MAP7: variants seen among roughly 807,000 people sequenced by gnomAD.
MAP7 encodes the protein ensconsin.
In MAP7, 52 loss-of-function variants were observed where a neutral mutation model predicts 94.8. That is an observed-to-expected ratio of 0.55 (90% confidence interval 0.44 to 0.69). The LOEUF is 0.69. Among genes scored for constraint, MAP7 ranks in the 30% least tolerant of loss-of-function variants. The probability of loss-of-function intolerance (pLI) is 0.00; values close to 1 mark genes in which losing one functional copy is unlikely to be tolerated. For synonymous variants in MAP7, 350 were observed against 357.0 expected (o/e 0.98, Z 0.22); for missense variants, 940 against 964.6 (o/e 0.97, Z 0.34).
At chr6:136,472,220 C>A (rs1809265358) in intron 1 of MAP7, among the ~76,000 whole-genome samples, 1 of 152,194 alleles carries the variant, frequency 6.6e-6, no homozygotes, top group South Asian at 2.1e-4. Flanking sequence ...CTACCTTTTC[C>A]TGTCAATTCC....
rs139663753 is a variant in MAP7 at position 136,538,595 on chromosome 6, T to C, written c.67+11747A>G. 3.9e-3 allele frequency among the ~76,000 whole-genome samples: 589 copies of C among 151,764 alleles called. 5 individuals carry two copies. Among genetic ancestry groups the C allele is most frequent in the African/African-American group, 0.014 (570 of 41,334 alleles). On this transcript the variant is annotated intron_variant, in intron 1 of 17. Transcript: ENST00000354570. ...GAGTTCGAAACCAGCCTGAGCAACA[T>C]GGTGACACCCTGTCTCTACAAAAAG...
intron 1 of MAP7, among the ~76,000 whole-genome samples, chr6:136,456,767 G>GGAGGAGGAGGACGAAGAAGAA (rs1179338276): frequency 9.9e-5 from 6 of 60,594 alleles, no homozygotes; most frequent in African/African-American, 4.4e-4. Context: ...AGGAGGAGGA[G>GGAGGAGGAGGACGAAGAAGAA]GAAGAAGAAG....
chr6:136,495,741 G>A (rs1474192750), intron 1 of MAP7, among the ~76,000 whole-genome samples: 4 of 152,080 alleles, frequency 2.6e-5, no homozygotes, highest in African/African-American at 4.8e-5. Flanking sequence ...TGTGAAAAAC[G>A]ATATGCATTT....
chr6:136,450,776 C>A (rs1378448762), intron 1 of MAP7, among the ~76,000 whole-genome samples: 15 of 151,176 alleles, frequency 9.9e-5, no homozygotes, highest in Non-Finnish European at 2.1e-4. Flanking sequence ...AAGAGCAAAA[C>A]TCCATCTCAA....
intron 1 of MAP7, among the ~76,000 whole-genome samples, chr6:136,534,254 A>T (rs1483992670): frequency 6.6e-6 from 1 of 152,196 alleles, no homozygotes; most frequent in Admixed American, 6.5e-5. Flanking sequence ...ACAAGTGTGA[A>T]ATCTGTGCAG....
chr6:136,505,385 GA>G lies in MAP7; in HGVS notation c.67+44956del, dbSNP rs1240078340. Among the ~76,000 whole-genome samples the G allele has an allele frequency of 5.4e-5, 8 of 149,170 alleles. No homozygotes were observed. In the East Asian group the frequency reaches 1.4e-3, roughly 26 times the overall value. On this transcript the variant is annotated intron_variant, in intron 1 of 17. Coordinates refer to ENST00000354570, the MANE Select transcript of MAP7 (RefSeq NM_003980.6). ...GGAGGGAGATAGGGAGAGGAAGGGAGAGAGAGATGAACATTAGCCATAATGT... is the reference window on the plus strand; with the variant it reads ...GGAGGGAGATAGGGAGAGGAAGGGAGGAGAGATGAACATTAGCCATAATGT...
intron 1 of MAP7, among the ~76,000 whole-genome samples, chr6:136,487,957 G>T (rs1377297399): frequency 3.9e-5 from 6 of 152,160 alleles, no homozygotes; most frequent in Admixed American, 3.9e-4. Context: ...TGGGAAAAGG[G>T]CCTCTCAAAA....
intron 1 of MAP7, among the ~76,000 whole-genome samples, chr6:136,460,362 T>C (rs976942930): frequency 6.6e-6 from 1 of 152,220 alleles, no homozygotes; most frequent in African/African-American, 2.4e-5. Context: ...TTATGGATGA[T>C]GTTTCTTTTT....
intron 1 of MAP7, among the ~76,000 whole-genome samples, chr6:136,535,738 T>C (rs892773243): frequency 1.3e-5 from 2 of 150,900 alleles, no homozygotes; most frequent in African/African-American, 4.9e-5. Context: ...ATTTGTCATC[T>C]TTTTTTTTCT....
intron 1 of MAP7, among the ~76,000 whole-genome samples, chr6:136,535,903 C>T (rs559884184): frequency 1.3e-5 from 2 of 151,982 alleles, no homozygotes; most frequent in Admixed American, 1.3e-4. Flanking sequence ...CCGCTCCCCC[C>T]ACCCCACGAC....
intron 1 of MAP7, among the ~76,000 whole-genome samples, chr6:136,476,563 A>G (rs1318914623): frequency 6.6e-6 from 1 of 152,190 alleles, no homozygotes; most frequent in East Asian, 1.9e-4. Context: ...CTAATATTTA[A>G]CATAGAAAAA....
At chr6:136,479,725 A>C (rs1405248464) in intron 1 of MAP7, among the ~76,000 whole-genome samples, 1 of 152,084 alleles carries the variant, frequency 6.6e-6, no homozygotes, top group African/African-American at 2.4e-5. Context: ...GCAAACAGTC[A>C]AAATCAAGAA....
chr6:136,465,524 T>C lies in MAP7; in HGVS notation c.68-43725A>G, dbSNP rs190035748. Among the ~76,000 whole-genome samples the C allele has an allele frequency of 3.9e-3, 595 of 152,156 alleles. 5 individuals are homozygous for C. Among genetic ancestry groups the C allele is most frequent in the African/African-American group, 0.014 (571 of 41,526 alleles). On this transcript the variant is annotated intron_variant, in intron 1 of 17. Transcript: ENST00000354570. Reference sequence around the variant, plus strand: ...ACAGAATCATTAAGGGCAAAAAAAATGGAAAGTCAGTTAGCCGATTAAATA... The same window carrying C: ...ACAGAATCATTAAGGGCAAAAAAAACGGAAAGTCAGTTAGCCGATTAAATA...
chr6:136,540,974 G>A (rs1361764382), intron 1 of MAP7, among the ~76,000 whole-genome samples: 2 of 152,116 alleles, frequency 1.3e-5, no homozygotes, highest in East Asian at 3.9e-4. Flanking sequence ...ATAACCTTGG[G>A]GTCAAGGAGT....
Position 136,474,994 on chromosome 6 carries a change from G to A in MAP7, c.68-53195C>T, listed in dbSNP as rs562983561. 1.9e-4 allele frequency among the ~76,000 whole-genome samples: 29 copies of A among 152,244 alleles called. No homozygotes were observed. In the East Asian group the frequency reaches 4.2e-3, roughly 22 times the overall value. On this transcript the variant is annotated intron_variant, in intron 1 of 17. Transcript: ENST00000354570. Reference sequence around the variant, plus strand: ...GTTTCCCAAAGTGCTGGGATTACACGCATGAGCCATCATACAAGGCCAATC... The same window carrying A: ...GTTTCCCAAAGTGCTGGGATTACACACATGAGCCATCATACAAGGCCAATC...
At chr6:136,440,796 T>C (rs909946163) in intron 1 of MAP7, among the ~76,000 whole-genome samples, 9 of 151,598 alleles carry the variant, frequency 5.9e-5, no homozygotes, top group Non-Finnish European at 1.2e-4. Context: ...GATGAAATTA[T>C]TTTATCTTAA....
intron 16 of MAP7, among the ~76,000 whole-genome samples, chr6:136,356,391 C>G (rs544890500): frequency 6.6e-6 from 1 of 152,240 alleles, no homozygotes; most frequent in South Asian, 2.1e-4. Flanking sequence ...GTCTAGAACT[C>G]TCAGCCTTAA....
chr6:136,481,986 T>C (rs2128966389), intron 1 of MAP7, among the ~76,000 whole-genome samples: 1 of 152,350 alleles, frequency 6.6e-6, no homozygotes, highest in East Asian at 1.9e-4. Context: ...CTTGCAACTT[T>C]TCAGCTTTTC....
chr6:136,507,794 T>C (rs1822027161), intron 1 of MAP7, among the ~76,000 whole-genome samples: 1 of 152,180 alleles, frequency 6.6e-6, no homozygotes, highest in Non-Finnish European at 1.5e-5. Flanking sequence ...ATAAAGCAAG[T>C]GAGGCACAGA....
Sources: allele counts gnomAD v4.1 joint callset (sites outside exome capture counted in the v4.1 genomes callset), GRCh38; gene constraint gnomAD v4.1.1; transcripts MANE v1.5; gene names NCBI Gene and HGNC (gene_info 2026-07-23, HGNC 2026-07-21).